Variants in FAM20C observed in about 807,000 individuals in gnomAD.
The protein encoded by FAM20C is FAM20C golgi associated secretory pathway kinase.
A neutral mutation model predicts 51.5 loss-of-function variants in FAM20C; 40 were observed. That is an observed-to-expected ratio of 0.78 (90% confidence interval 0.60 to 1.01). FAM20C has a LOEUF of 1.01. Ranked by LOEUF, FAM20C falls within the 50% of genes least tolerant of loss-of-function variation. FAM20C has a pLI of 0.00. For synonymous variants in FAM20C, 406 were observed against 380.6 expected (o/e 1.07, Z -0.78); for missense variants, 861 against 844.7 (o/e 1.02, Z -0.24).
chr7:207,413 G>T (rs1246358121), intron 2 of FAM20C, among the ~76,000 whole-genome samples: 4 of 152,224 alleles, frequency 2.6e-5, no homozygotes, highest in African/African-American at 9.6e-5. Context: ...CTCCTTCAGG[G>T]CCCGAGTTTG....
At chr7:232,409 A>G (rs999121784) in intron 3 of FAM20C, among the ~76,000 whole-genome samples, 6 of 152,306 alleles carry the variant, frequency 3.9e-5, no homozygotes, top group African/African-American at 1.4e-4. Flanking sequence ...AGCAACCCTC[A>G]CACCTGCACG....
chr7:206,363 T>C (rs75131290), intron 2 of FAM20C, among the ~76,000 whole-genome samples: 6,515 of 152,280 alleles, frequency 0.043, 506 homozygotes, highest in African/African-American at 0.15. Context: ...CCTCATGCCC[T>C]GCTGCCCCAC....
intron 3 of FAM20C, among the ~76,000 whole-genome samples, chr7:235,004 AG>A (rs1787807011): frequency 6.6e-6 from 1 of 152,146 alleles, no homozygotes; most frequent in Non-Finnish European, 1.5e-5. Context: ...CAGTCATGCC[AG>A]GAATGGGCCC....
chr7:214,502 G>A (rs886900819), intron 3 of FAM20C, among the ~76,000 whole-genome samples: 6 of 152,200 alleles, frequency 3.9e-5, no homozygotes, highest in African/African-American at 1.4e-4. Flanking sequence ...AGAGTGGTGC[G>A]GGAGGCGGTA....
intron 2 of FAM20C, among the ~76,000 whole-genome samples, chr7:201,587 C>T (rs1039369280): frequency 6.6e-6 from 1 of 152,246 alleles, no homozygotes; most frequent in African/African-American, 2.4e-5. Context: ...TAGAGCTTCC[C>T]AGTGGGTTGC....
intron 3 of FAM20C, among the ~76,000 whole-genome samples, chr7:226,367 G>A (rs1325269844): frequency 6.6e-6 from 1 of 152,144 alleles, no homozygotes. Context: ...ACAGATCAAC[G>A]TTAACAGCGT....
chr7:215,132 T>G (rs566376229), intron 3 of FAM20C, among the ~76,000 whole-genome samples: 208 of 151,844 alleles, frequency 1.4e-3, no homozygotes, highest in Middle Eastern at 3.4e-3. Flanking sequence ...CAGGGCGTGG[T>G]TAACAGTGGG....
chr7:237,839 T>TGAG (rs1787895010), intron 3 of FAM20C, among the ~76,000 whole-genome samples: 3 of 314 alleles, frequency 9.6e-3, no homozygotes, highest in Non-Finnish European at 0.029. Flanking sequence ...ATAGTGATAG[T>TGAG]GATGATGNNN....
At chr7:237,039 G>A (rs973549160) in intron 3 of FAM20C, among the ~76,000 whole-genome samples, 37 of 152,362 alleles carry the variant, frequency 2.4e-4, no homozygotes, top group African/African-American at 7.9e-4. Flanking sequence ...GGGACAGCCC[G>A]CAGGTGGCCT....
chr7:235,262 A>G (rs1433795125), intron 3 of FAM20C, among the ~76,000 whole-genome samples: 1 of 151,818 alleles, frequency 6.6e-6, no homozygotes, highest in Non-Finnish European at 1.5e-5. Flanking sequence ...TACACTGAGC[A>G]TGCTGGTGTC....
intron 3 of FAM20C, among the ~76,000 whole-genome samples, chr7:234,397 G>T (rs1041583912): frequency 1.3e-5 from 2 of 152,062 alleles, no homozygotes; most frequent in African/African-American, 2.4e-5. Flanking sequence ...GCTTGATCTC[G>T]CCTCACAGGC....
chr7:252,792 G>A (rs1788450604), intron 5 of FAM20C, among the ~76,000 whole-genome samples: 3 of 152,236 alleles, frequency 2.0e-5, no homozygotes, highest in South Asian at 2.1e-4. Context: ...CCCCAGCACC[G>A]CACAGCTGTG....
In FAM20C at chr7:253,936, G is replaced by A. The variant is rs533441410; in HGVS notation, c.1073-1913G>A. 6.6e-4 allele frequency among the ~76,000 whole-genome samples: 100 copies of A among 152,362 alleles called. 1 individual carries two copies. In the South Asian group the frequency reaches 0.015, roughly 23 times the overall value. The stretch of plus-strand genomic sequence containing the variant: ...CCTCCTGAAATGGAGCTCCTGCCCC[G>A]GTGGGGGCTGCCTCGTCCGACTGTG... On this transcript the variant is annotated intron_variant, in intron 5 of 9. Coordinates refer to ENST00000313766, the MANE Select transcript of FAM20C (RefSeq NM_020223.4).
intron 2 of FAM20C, among the ~76,000 whole-genome samples, chr7:203,582 C>T (rs1786224926): frequency 6.6e-6 from 1 of 152,204 alleles, no homozygotes; most frequent in Admixed American, 6.5e-5. Context: ...AGCAGAATTC[C>T]AAATGTCTTT....
chr7:240,690 T>G (rs1338291114), intron 3 of FAM20C, among the ~76,000 whole-genome samples: 1 of 152,184 alleles, frequency 6.6e-6, no homozygotes, highest in Non-Finnish European at 1.5e-5. Flanking sequence ...AGCAAGCCCT[T>G]GGCCAGGCAT....
At chr7:229,360 T>C (rs149609068) in intron 3 of FAM20C, 31 of 163,710 alleles carry the variant, frequency 1.9e-4, no homozygotes, top group South Asian at 8.0e-4. Context: ...GCCATTCTCA[T>C]TCCCAGTTCT....
At chr7:219,990 C>A (rs1787179649) in intron 3 of FAM20C, among the ~76,000 whole-genome samples, 1 of 152,240 alleles carries the variant, frequency 6.6e-6, no homozygotes, top group South Asian at 2.1e-4. Flanking sequence ...CCCTTTGTGT[C>A]CACACTGGGT....
intron 3 of FAM20C, among the ~76,000 whole-genome samples, chr7:231,769 C>T (rs1380262347): frequency 6.6e-6 from 1 of 152,142 alleles, no homozygotes; most frequent in African/African-American, 2.4e-5. Context: ...CTCTCAGGCA[C>T]CGGGTCTTTT....
chr7:228,186 G>T (rs1440696680), intron 3 of FAM20C: 1 of 322,606 alleles, frequency 3.1e-6, no homozygotes, highest in African/African-American at 2.2e-5. Flanking sequence ...CGCCTGGCAT[G>T]GTTGTGATGA....
Sources: allele counts gnomAD v4.1 joint callset (sites outside exome capture counted in the v4.1 genomes callset), GRCh38; gene constraint gnomAD v4.1.1; transcripts MANE v1.5; gene names NCBI Gene and HGNC (gene_info 2026-07-23, HGNC 2026-07-21).